PIK3C3: variants seen among roughly 807,000 people sequenced by gnomAD.
The protein encoded by PIK3C3 is phosphatidylinositol 3-kinase catalytic subunit type 3, also known as PI3-kinase type 3.
A neutral mutation model predicts 126.1 loss-of-function variants in PIK3C3; 95 were observed. The observed-to-expected ratio is 0.75, with a 90% CI of 0.64 to 0.89. PIK3C3 has a LOEUF of 0.89. Among genes scored for constraint, PIK3C3 ranks in the 40% least tolerant of loss-of-function variants. The probability of loss-of-function intolerance (pLI) is 0.00; values close to 1 mark genes in which losing one functional copy is unlikely to be tolerated. For synonymous variants in PIK3C3, 374 were observed against 360.0 expected (o/e 1.04, Z -0.44); for missense variants, 829 against 1,063.2 (o/e 0.78, Z 3.06).
chr18:42,078,205 G>A (rs576449969), intron 24 of PIK3C3, among the ~76,000 whole-genome samples: 42 of 151,252 alleles, frequency 2.8e-4, no homozygotes, highest in Non-Finnish European at 4.6e-4. Context: ...GTGAAACCCC[G>A]TCTCTACTAA....
At chr18:41,961,573 A>G (rs1288161329) in intron 2 of PIK3C3, among the ~76,000 whole-genome samples, 3 of 151,674 alleles carry the variant, frequency 2.0e-5, no homozygotes, top group African/African-American at 7.3e-5. Flanking sequence ...TTAGCAATAC[A>G]GATGTATTTA....
chr18:42,048,777 G>A (rs1449605681), intron 20 of PIK3C3, among the ~76,000 whole-genome samples: 1 of 152,040 alleles, frequency 6.6e-6, no homozygotes, highest in Non-Finnish European at 1.5e-5. Context: ...TTACACATGG[G>A]CTGAAATAAA....
At chr18:41,984,124 T>C (rs606641) in intron 4 of PIK3C3, among the ~76,000 whole-genome samples, 5,927 of 152,162 alleles carry the variant, frequency 0.039, 399 homozygotes, top group African/African-American at 0.13. Context: ...TATTTCTTCA[T>C]GAGTAATTGA....
intron 23 of PIK3C3, among the ~76,000 whole-genome samples, 176 bp downstream of exon 23, chr18:42,065,006 C>T (rs1289807319): frequency 6.6e-6 from 1 of 152,148 alleles, no homozygotes; most frequent in Non-Finnish European, 1.5e-5. Flanking sequence ...TCCAGCCCTG[C>T]AGTCACAGGG....
intron 4 of PIK3C3, among the ~76,000 whole-genome samples, chr18:41,975,219 G>A (rs1024964310): frequency 3.9e-5 from 6 of 152,166 alleles, no homozygotes; most frequent in African/African-American, 7.2e-5. Flanking sequence ...AGTTCATTTA[G>A]TTATTGTTTC....
intron 24 of PIK3C3, among the ~76,000 whole-genome samples, chr18:42,070,087 G>T (rs1376168163): frequency 6.6e-6 from 1 of 152,132 alleles, no homozygotes; most frequent in Admixed American, 6.5e-5. Context: ...TCTCTGCATG[G>T]ACTATCTCTC....
intron 21 of PIK3C3, among the ~76,000 whole-genome samples, chr18:42,055,947 C>T (rs895877313): frequency 1.3e-5 from 2 of 152,006 alleles, no homozygotes; most frequent in African/African-American, 4.8e-5. Context: ...GTAATTAGCA[C>T]CTCTTACTCC....
intron 23 of PIK3C3, 54 bp downstream of exon 23, chr18:42,064,884 C>A: frequency 1.0e-6 from 1 of 954,640 alleles, no homozygotes; most frequent in South Asian, 1.4e-5. Context: ...TTTCCATATT[C>A]CAGAATACAA....
intron 22 of PIK3C3, among the ~76,000 whole-genome samples, chr18:42,058,373 C>T (rs906232143): frequency 1.3e-5 from 2 of 152,138 alleles, no homozygotes; most frequent in African/African-American, 4.8e-5. Context: ...TATACTTTGA[C>T]AGTACTGAGA....
At chr18:42,076,415 CAAGT>C (rs1373550896) in intron 24 of PIK3C3, among the ~76,000 whole-genome samples, 1 of 151,728 alleles carries the variant, frequency 6.6e-6, no homozygotes, top group Non-Finnish European at 1.5e-5. Context: ...TGTAAACAGA[CAAGT>C]AAGTGTGATA....
chr18:42,025,040 C>T (rs1983499533), intron 13 of PIK3C3, among the ~76,000 whole-genome samples: 1 of 151,498 alleles, frequency 6.6e-6, no homozygotes, highest in African/African-American at 2.4e-5. Context: ...TCTCGATCTC[C>T]TGACCTCATG....
chr18:41,976,265 T>C (rs1980916160), intron 4 of PIK3C3, among the ~76,000 whole-genome samples: 1 of 152,112 alleles, frequency 6.6e-6, no homozygotes, highest in Non-Finnish European at 1.5e-5. Context: ...TCCTAGAGCA[T>C]TGATTAGAGG....
chr18:42,020,456 C>T (rs558235024), intron 12 of PIK3C3, among the ~76,000 whole-genome samples, 182 bp from the exon 13 acceptor site: 1 of 152,238 alleles, frequency 6.6e-6, no homozygotes, highest in East Asian at 1.9e-4. Context: ...ATTCTAACCA[C>T]TTGCATATTT....
Position 42,038,868 on chromosome 18 carries a change from CATT to C in PIK3C3, c.2038+25_2038+27del, listed in dbSNP as rs769092745. The C allele has an allele frequency of 8.9e-6, 13 of 1,466,640 alleles. No homozygotes were observed. Among genetic ancestry groups the C allele is most frequent in the Admixed American group, 7.1e-5 (4 of 56,042 alleles). 90.9% of individuals were successfully genotyped at this position (1,466,640 alleles called of 1,614,324 possible). A position where few individuals can be genotyped will look rare whatever the true frequency, so the allele number is the denominator to read the frequency against. On this transcript the variant is annotated intron_variant, in intron 18 of 24. Coordinates refer to ENST00000262039, the MANE Select transcript of PIK3C3 (RefSeq NM_002647.4). ...AAAACATGGTAAGTGTATTTTACAT[CATT>C]ATTATTTACTTTAGTGTACATTGTG...
intron 4 of PIK3C3, among the ~76,000 whole-genome samples, chr18:41,986,572 C>G (rs538465286): frequency 6.6e-6 from 1 of 152,116 alleles, no homozygotes; most frequent in East Asian, 1.9e-4. Context: ...GGTTGGAACT[C>G]TGGTCTTCCA....
At chr18:42,077,329 CAAAAGATCTCTCT>C (rs1986068839) in intron 24 of PIK3C3, among the ~76,000 whole-genome samples, 1 of 152,210 alleles carries the variant, frequency 6.6e-6, no homozygotes. Flanking sequence ...CTTCCTTTCA[CAAAAGATCTCTCT>C]GTAGCATGTG....
chr18:42,079,080 G>A lies in PIK3C3; in HGVS notation c.2650-2043G>A, dbSNP rs560565778. ...GAACATTTCTTTGCATTTAAAACTT[G>A]GCTCTTTGATGCGAGAGTCTTAACT... On this transcript the variant is annotated intron_variant, in intron 24 of 24. Transcript: ENST00000262039. Among the ~76,000 whole-genome samples the A allele has an allele frequency of 1.3e-3, 195 of 152,240 alleles. 7 individuals are homozygous for A. Among genetic ancestry groups the A allele is most frequent in the Non-Finnish European group, 8.5e-4 (58 of 68,026 alleles).
At chr18:42,045,744 G>A (rs1315475686) in intron 20 of PIK3C3, among the ~76,000 whole-genome samples, 1 of 152,140 alleles carries the variant, frequency 6.6e-6, no homozygotes, top group African/African-American at 2.4e-5. Flanking sequence ...TGGATGAAAA[G>A]GGTGTCACAG....
chr18:42,038,603 C>T (rs984841953), intron 17 of PIK3C3, among the ~76,000 whole-genome samples, 178 bp from the exon 18 acceptor site: 5 of 152,100 alleles, frequency 3.3e-5, no homozygotes, highest in Admixed American at 3.3e-4. Flanking sequence ...CTCGGCCTCC[C>T]AAAGTGCTGG....
Sources: gnomAD v4.1 joint callset for allele counts (sites outside exome capture counted in the v4.1 genomes callset) on GRCh38, gnomAD v4.1.1 for gene constraint, MANE v1.5 for transcripts, NCBI Gene and HGNC (gene_info 2026-07-23, HGNC 2026-07-21) for gene names.